Variants in CMBL observed in about 807,000 individuals in gnomAD.
CMBL encodes the protein carboxymethylenebutenolidase homolog (Pseudomonas).
A neutral mutation model predicts 28.7 loss-of-function variants in CMBL; 17 were observed. The observed-to-expected ratio is 0.59, with a 90% CI of 0.41 to 0.89. CMBL has a LOEUF of 0.89. CMBL is among the 40% of genes least tolerant of loss of function. CMBL has a pLI of 0.00. For missense variants in CMBL, 310 were observed against 298.5 expected (o/e 1.04, Z -0.28); for synonymous variants, 106 against 101.6 (o/e 1.04, Z -0.26).
chr5:10,299,071 A>T (rs1198816008), intron 1 of CMBL, among the ~76,000 whole-genome samples: 1 of 152,218 alleles, frequency 6.6e-6, no homozygotes, highest in Non-Finnish European at 1.5e-5. Flanking sequence ...ATAGTAACTA[A>T]GATGAAAGAT....
At chr5:10,306,946 T>G (rs1579480123) in intron 1 of CMBL, among the ~76,000 whole-genome samples, 1 of 152,124 alleles carries the variant, frequency 6.6e-6, no homozygotes, top group East Asian at 1.9e-4. Flanking sequence ...CCACTTTATT[T>G]TAAATGGGCT....
In CMBL at chr5:10,282,236, G is replaced by A. The variant is rs1746507311; in HGVS notation, c.519C>T (p.Phe173=). 6.2e-7 allele frequency: 1 copy of A among 1,613,084 alleles called. No homozygotes were observed. Among genetic ancestry groups the A allele is most frequent in the Non-Finnish European group, 8.5e-7 (1 of 1,179,132 alleles). Residue 173 remains phenylalanine (F), a synonymous_variant, in exon 5 of 6, where the codon TTC becomes TTT. Transcript: ENST00000296658. ...DIYNLKNPTL[F]IFAENDVVIP... is the part of the protein sequence containing the mutation. ...TCACAACATCATTTTCAGCAAAAAT[G>A]AACAAAGTGGGGTTCTTTAAATTGT...
In CMBL at chr5:10,289,960, G is replaced by A. The variant is rs1292895319; in HGVS notation, c.215+588C>T. 2.6e-5 allele frequency among the ~76,000 whole-genome samples: 4 copies of A among 152,172 alleles called. No homozygotes were observed. The highest frequency in any genetic ancestry group is 6.5e-5 in the Admixed American group (1 of 15,282). ...AAGGAAGGTTCTGGCCCTCCTCTGCGCTTTACACCGGGGCAAATAAGAAGC... is the reference window on the plus strand; with the variant it reads ...AAGGAAGGTTCTGGCCCTCCTCTGCACTTTACACCGGGGCAAATAAGAAGC... On this transcript the variant is annotated intron_variant, in intron 2 of 5. Transcript: ENST00000296658. This position sits in a 1 kb window ranked among gnomAD's most constrained non-coding sequence, Gnocchi z 4.3.
chr5:10,292,650 C>G (rs995147873), intron 1 of CMBL, among the ~76,000 whole-genome samples: 1 of 151,912 alleles, frequency 6.6e-6, no homozygotes, highest in Non-Finnish European at 1.5e-5. Flanking sequence ...TGGTGAAACC[C>G]CCGTCTCTAC....
At chr5:10,300,281 G>A (rs1193455647) in intron 1 of CMBL, among the ~76,000 whole-genome samples, 2 of 152,164 alleles carry the variant, frequency 1.3e-5, no homozygotes, top group Admixed American at 6.5e-5. Flanking sequence ...CCCACCAGAC[G>A]CTGGAATAGG....
chr5:10,287,287 T>C (rs899813425), intron 3 of CMBL, among the ~76,000 whole-genome samples: 12 of 152,180 alleles, frequency 7.9e-5, no homozygotes, highest in Non-Finnish European at 1.6e-4. Context: ...ATATACACCA[T>C]AGACTATACT....
rs1307509830 is a variant in CMBL at position 10,278,148 on chromosome 5, T to C, written c.*2305A>G. On this transcript the variant is annotated 3_prime_UTR_variant, in exon 6 of 6. Coordinates refer to ENST00000296658, the MANE Select transcript of CMBL (RefSeq NM_138809.4). ...GGTCTCCCCATACCCATTTGACAGA[T>C]GCAAAAACTGAGGCTCAGGAAGCTC... Among the ~76,000 whole-genome samples, 2 of 152,226 alleles carry C rather than the reference T, an allele frequency of 1.3e-5. No individual in the cohort carries two copies. Among genetic ancestry groups the C allele is most frequent in the African/African-American group, 4.8e-5 (2 of 41,460 alleles).
chr5:10,296,843 G>A (rs1453743741), intron 1 of CMBL, among the ~76,000 whole-genome samples: 1 of 152,222 alleles, frequency 6.6e-6, no homozygotes, highest in African/African-American at 2.4e-5. Context: ...ACAAGGACAG[G>A]CTTGGACGAG....
chr5:10,290,905 T>C, intron 1 of CMBL, 124 bp from the exon 2 acceptor site: 1 of 700,798 alleles, frequency 1.4e-6, no homozygotes, highest in Non-Finnish European at 2.4e-6. Context: ...TGGTATTATG[T>C]GAGAAACCAA....
At position 10,288,928 on chromosome 5, in the gene CMBL, A is replaced by G. The variant is rs370012006; in HGVS notation, c.216-399T>C. On this transcript the variant is annotated intron_variant, in intron 2 of 5. Coordinates refer to ENST00000296658, the MANE Select transcript of CMBL (RefSeq NM_138809.4). ...TGGCCTTTCACATGAGCCTCAGGCC[A>G]GAGGGCACACCTGGCTAACTTGTCC... Among the ~76,000 whole-genome samples, 294 of 152,342 alleles carry G rather than the reference A, an allele frequency of 1.9e-3. 1 individual carries two copies. Among genetic ancestry groups the G allele is most frequent in the African/African-American group, 6.7e-3 (279 of 41,588 alleles).
rs956745177 is a variant in CMBL at position 10,299,074 on chromosome 5, T to G, written c.-19-8293A>C. On this transcript the variant is annotated intron_variant, in intron 1 of 5. Transcript: ENST00000296658. The stretch of plus-strand genomic sequence containing the variant: ...TGCATTAATAAGATAGTAACTAAGA[T>G]GAAAGATTAATAAGATAATGATTAA... Among the ~76,000 whole-genome samples, 10 of 152,062 alleles carry G rather than the reference T, an allele frequency of 6.6e-5. 1 individual carries two copies. The highest frequency in any genetic ancestry group is 1.5e-4 in the Non-Finnish European group (10 of 68,026).
intron 1 of CMBL, among the ~76,000 whole-genome samples, chr5:10,298,963 T>C (rs1343523104): frequency 6.6e-6 from 1 of 152,170 alleles, no homozygotes; most frequent in Non-Finnish European, 1.5e-5. Flanking sequence ...CACGTGCTGA[T>C]GGTGGTGCAG....
intron 1 of CMBL, among the ~76,000 whole-genome samples, chr5:10,296,748 G>C (rs1210614298): frequency 1.3e-5 from 2 of 152,234 alleles, no homozygotes; most frequent in African/African-American, 4.8e-5. Context: ...CTGGACCCAA[G>C]TGAAGAATGG....
intron 3 of CMBL, among the ~76,000 whole-genome samples, 168 bp downstream of exon 3, chr5:10,288,254 A>C (rs1579472278): frequency 6.6e-6 from 1 of 151,952 alleles, no homozygotes; most frequent in African/African-American, 2.4e-5. Context: ...GCTCCAACAG[A>C]GCAAAAACAA....
At chr5:10,285,158 T>C (rs1391068666) in intron 4 of CMBL, among the ~76,000 whole-genome samples, 1 of 151,782 alleles carries the variant, frequency 6.6e-6, no homozygotes, top group Non-Finnish European at 1.5e-5. Context: ...CATGTGCCAG[T>C]ACACCCAAGT....
At chr5:10,281,703 T>C (rs1746499636) in intron 5 of CMBL, among the ~76,000 whole-genome samples, 1 of 152,230 alleles carries the variant, frequency 6.6e-6, no homozygotes, top group Non-Finnish European at 1.5e-5. Flanking sequence ...CCTCAGACAT[T>C]TCCTTAAGCA....
chr5:10,305,231 C>T (rs1579479467), intron 1 of CMBL, among the ~76,000 whole-genome samples: 1 of 150,020 alleles, frequency 6.7e-6, no homozygotes, highest in Non-Finnish European at 1.5e-5. Context: ...TGGCCATGTT[C>T]GTCGGCAATG....
intron 2 of CMBL, 24 bp from the exon 3 acceptor site, chr5:10,288,553 A>G (rs1746649036): frequency 6.6e-7 from 1 of 1,515,964 alleles, no homozygotes; most frequent in African/African-American, 1.4e-5. Context: ...ACATGAATTG[A>G]TCTTAGTTTC....
At chr5:10,295,480 G>A (rs1465049080) in intron 1 of CMBL, among the ~76,000 whole-genome samples, 1 of 152,192 alleles carries the variant, frequency 6.6e-6, no homozygotes, top group Non-Finnish European at 1.5e-5. Context: ...AGGACACACA[G>A]GGTGCAATAG....
Sources: gnomAD v4.1 joint callset for allele counts (sites outside exome capture counted in the v4.1 genomes callset) on GRCh38, gnomAD v4.1.1 for gene constraint, Gnocchi (gnomAD v3.1) non-coding constraint, MANE v1.5 for transcripts, NCBI Gene and HGNC (gene_info 2026-07-23, HGNC 2026-07-21) for gene names.